PDXDC1: variants seen among roughly 807,000 people sequenced by gnomAD.
PDXDC1 encodes the protein pyridoxal-dependent decarboxylase domain-containing protein 1.
In PDXDC1, 42 loss-of-function variants were observed where a neutral mutation model predicts 100.1. The ratio of observed to expected loss-of-function variants is 0.42; its 90% CI spans 0.33 to 0.54. The LOEUF (loss-of-function observed/expected upper bound fraction) is 0.54. Among genes scored for constraint, PDXDC1 ranks in the 20% least tolerant of loss-of-function variants. The pLI is 0.10. For synonymous variants in PDXDC1, 260 were observed against 371.7 expected (o/e 0.70, Z 3.46); for missense variants, 636 against 979.2 (o/e 0.65, Z 4.68).
At chr16:15,089,376 T>C (rs980469057) in intron 16 of PDXDC1, among the ~76,000 whole-genome samples, 2 of 151,888 alleles carry the variant, frequency 1.3e-5, no homozygotes, top group Non-Finnish European at 2.9e-5. Context: ...AGGACACAGG[T>C]AGATTTCAAA....
intron 1 of PDXDC1, among the ~76,000 whole-genome samples, chr16:14,983,283 CT>C (rs1364823987): frequency 6.6e-6 from 1 of 152,246 alleles, no homozygotes; most frequent in Non-Finnish European, 1.5e-5. Context: ...TCTTAAAAGC[CT>C]TCTCTTGGCC....
intron 16 of PDXDC1, among the ~76,000 whole-genome samples, chr16:15,132,436 G>A (rs1351961983): frequency 7.9e-6 from 1 of 126,766 alleles, no homozygotes; most frequent in Non-Finnish European, 1.7e-5. Context: ...AGGGAAGGGG[G>A]AGGGGAGGGG....
intron 13 of PDXDC1, among the ~76,000 whole-genome samples, chr16:15,023,146 A>G (rs182882032): frequency 2.6e-5 from 4 of 152,390 alleles, no homozygotes; most frequent in Admixed American, 2.0e-4. Flanking sequence ...TCTTTCTGCA[A>G]CCTTCTGCCA....
chr16:15,149,311 G>A, the PDXDC1 span, among the ~76,000 whole-genome samples: 2 of 152,208 alleles, frequency 1.3e-5, no homozygotes, highest in African/African-American at 4.8e-5. Flanking sequence ...AATCATCTGC[G>A]TGTTTGTTGA....
At chr16:15,072,635 T>A (rs1349715037) in intron 16 of PDXDC1, among the ~76,000 whole-genome samples, 1 of 152,024 alleles carries the variant, frequency 6.6e-6, no homozygotes. Context: ...AAACCCCACC[T>A]CTTCTAAAAA....
chr16:15,084,034 G>GTA (rs1327812279), intron 16 of PDXDC1, among the ~76,000 whole-genome samples: 5 of 152,160 alleles, frequency 3.3e-5, no homozygotes, highest in Non-Finnish European at 7.4e-5. Context: ...AACTTACAAT[G>GTA]TATAGCTTCT....
intron 16 of PDXDC1, chr16:15,047,733 C>T (rs1183665643): frequency 1.0e-6 from 1 of 961,874 alleles, no homozygotes. Context: ...CCATGCAGAC[C>T]AGAAAAAAGG....
At chr16:15,100,119 T>C (rs1301190389) in intron 16 of PDXDC1, among the ~76,000 whole-genome samples, 1 of 152,224 alleles carries the variant, frequency 6.6e-6, no homozygotes, top group Non-Finnish European at 1.5e-5. Context: ...AAATGGCTTT[T>C]GATGAATCTT....
At chr16:15,086,914 T>TA (rs1364380117) in intron 16 of PDXDC1, among the ~76,000 whole-genome samples, 1 of 152,250 alleles carries the variant, frequency 6.6e-6, no homozygotes, top group Admixed American at 6.5e-5. Context: ...ATAACTTTTC[T>TA]AAACCAAACC....
downstream of PDXDC1, chr16:15,038,419 G>C (rs541159487): frequency 4.2e-5 from 26 of 621,800 alleles, no homozygotes; most frequent in South Asian, 5.5e-4. Context: ...ATCCCCATTT[G>C]ATATACAAGT....
chr16:15,123,249 C>T (rs1421437414), intron 16 of PDXDC1, among the ~76,000 whole-genome samples: 29 of 151,866 alleles, frequency 1.9e-4, no homozygotes, highest in African/African-American at 1.7e-4. Flanking sequence ...CAGTCCCCCA[C>T]GCTCCTCCCA....
At chr16:15,050,127 A>G (rs2044239710) in intron 16 of PDXDC1, among the ~76,000 whole-genome samples, 1 of 152,246 alleles carries the variant, frequency 6.6e-6, no homozygotes, top group South Asian at 2.1e-4. Flanking sequence ...GTATGTTAAT[A>G]CTAAGTGTCA....
chr16:15,020,873 A>G (rs2042144338), intron 12 of PDXDC1, among the ~76,000 whole-genome samples: 1 of 152,192 alleles, frequency 6.6e-6, no homozygotes, highest in African/African-American at 2.4e-5. Context: ...AGTCCCAGCT[A>G]CTCAGGAGGC....
intron 8 of PDXDC1, among the ~76,000 whole-genome samples, chr16:15,014,575 A>G (rs78323355): frequency 2.7e-5 from 4 of 150,650 alleles, no homozygotes; most frequent in Non-Finnish European, 5.9e-5. Context: ...GTCTGTTAAG[A>G]TTTTTTTTTT....
intron 16 of PDXDC1, among the ~76,000 whole-genome samples, chr16:15,055,246 T>C (rs1471993757): frequency 1.3e-5 from 2 of 152,110 alleles, no homozygotes; most frequent in Non-Finnish European, 2.9e-5. Flanking sequence ...GGACAAGAGT[T>C]CAGAGATCTA....
At chr16:15,035,388 G>A in intron 21 of PDXDC1, 61 bp from the exon 22 acceptor site, 2 of 852,626 alleles carry the variant, frequency 2.3e-6, no homozygotes, top group Non-Finnish European at 3.6e-6. Flanking sequence ...GTGAGGGCAG[G>A]TGGTGTCTTC....
Position 15,017,428 on chromosome 16 carries a change from T to C in PDXDC1, c.963+6T>C. The C allele has an allele frequency of 6.2e-7, 1 of 1,613,836 alleles. No homozygotes were observed. The highest frequency in any genetic ancestry group is 8.5e-7 in the Non-Finnish European group (1 of 1,179,746). ...AACACGATGACCCTGCCTTGGTAAGTTTCCACTCACTGGGGAGGGAGTGGG... is the reference window on the plus strand; with the variant it reads ...AACACGATGACCCTGCCTTGGTAAGCTTCCACTCACTGGGGAGGGAGTGGG... On this transcript the variant is annotated splice_donor_region_variant and intron_variant, in intron 11 of 22. Transcript: ENST00000396410.
At chr16:15,145,561 G>C in the PDXDC1 span, among the ~76,000 whole-genome samples, 2 of 152,274 alleles carry the variant, frequency 1.3e-5, no homozygotes, top group East Asian at 3.9e-4. Context: ...AGGAACGCCA[G>C]GCTGGGCCAG....
chr16:15,088,961 T>C (rs1465500098), intron 16 of PDXDC1, among the ~76,000 whole-genome samples: 1 of 151,998 alleles, frequency 6.6e-6, no homozygotes, highest in Non-Finnish European at 1.5e-5. Flanking sequence ...ATGCTAAGTT[T>C]GGAGCATCTA....
Sources: gnomAD v4.1 joint callset for allele counts (sites outside exome capture counted in the v4.1 genomes callset) on GRCh38, gnomAD v4.1.1 for gene constraint, MANE v1.5 for transcripts, NCBI Gene and HGNC (gene_info 2026-07-23, HGNC 2026-07-21) for gene names.